CSMD1: variants seen among roughly 807,000 people sequenced by gnomAD.
CSMD1 encodes the protein CUB and sushi domain-containing protein 1.
CSMD1 carries 213 observed loss-of-function variants against 417.5 expected under a neutral mutation model. That is an observed-to-expected ratio of 0.51 (90% CI 0.46 to 0.57). The LOEUF is 0.57. CSMD1 is among the 20% of genes least tolerant of loss of function. The pLI is 0.00. For synonymous variants in CSMD1, 2,862 were observed against 1,736.8 expected, an observed-to-expected ratio of 1.65 and a Z score of -16.11; for missense variants, 6,923 against 4,529.7, an observed-to-expected ratio of 1.53 and a Z score of -15.17.
chr8:3,236,004 G>A (rs1051850299), intron 26 of CSMD1, among the ~76,000 whole-genome samples: 3 of 139,914 alleles, frequency 2.1e-5, no homozygotes, highest in East Asian at 4.4e-4. Context: ...TGCAAGCTCC[G>A]CCTTCCGGGT....
intron 1 of CSMD1, chr8:4,787,735 G>A (rs1797482014): frequency 3.1e-6 from 5 of 1,589,504 alleles, no homozygotes; most frequent in Middle Eastern, 2.3e-4. Flanking sequence ...ACAGTGGTCT[G>A]AGGAACAGCT....
At chr8:3,793,981 C>G (rs755878649) in intron 5 of CSMD1, among the ~76,000 whole-genome samples, 4 of 152,198 alleles carry the variant, frequency 2.6e-5, no homozygotes, top group African/African-American at 4.8e-5. Flanking sequence ...GGTTCTTCTG[C>G]TTTCCTCTTC....
At chr8:3,597,682 T>G (rs1197601341) in intron 8 of CSMD1, among the ~76,000 whole-genome samples, 1 of 152,170 alleles carries the variant, frequency 6.6e-6, no homozygotes, top group African/African-American at 2.4e-5. Context: ...TCATGTCCTT[T>G]GCAGGGACAT....
intron 21 of CSMD1, among the ~76,000 whole-genome samples, chr8:3,355,877 C>G (rs981216764): frequency 6.6e-6 from 1 of 151,994 alleles, no homozygotes; most frequent in East Asian, 1.9e-4. Flanking sequence ...ATGCACATGC[C>G]AACAGGTGCC....
At chr8:3,811,128 C>T (rs1801050218) in intron 5 of CSMD1, among the ~76,000 whole-genome samples, 1 of 152,182 alleles carries the variant, frequency 6.6e-6, no homozygotes, top group East Asian at 1.9e-4. Flanking sequence ...TACCTATGTC[C>T]ATAACTCCTC....
At chr8:4,156,077 G>C (rs1319948901) in intron 3 of CSMD1, among the ~76,000 whole-genome samples, 1 of 152,088 alleles carries the variant, frequency 6.6e-6, no homozygotes, top group Non-Finnish European at 1.5e-5. Flanking sequence ...ATTGGAATAG[G>C]GCTGGCTGGA....
intron 2 of CSMD1, among the ~76,000 whole-genome samples, chr8:4,559,793 G>C (rs1318487880): frequency 1.3e-5 from 2 of 152,208 alleles, no homozygotes; most frequent in Non-Finnish European, 1.5e-5. Context: ...TTTTCCACCT[G>C]AGACACACGT....
chr8:3,371,123 A>C (rs1809919378), intron 18 of CSMD1, among the ~76,000 whole-genome samples: 1 of 152,204 alleles, frequency 6.6e-6, no homozygotes, highest in South Asian at 2.1e-4. Context: ...CCAGGTCTTC[A>C]GTCTCAGACT....
chr8:3,019,267 C>T (rs773507067), intron 51 of CSMD1, among the ~76,000 whole-genome samples: 1 of 152,108 alleles, frequency 6.6e-6, no homozygotes, highest in South Asian at 2.1e-4. Flanking sequence ...CTGAACCATT[C>T]TTGAAAAAAT....
chr8:4,652,138 G>A (rs376211514), intron 1 of CSMD1, among the ~76,000 whole-genome samples: 1 of 152,154 alleles, frequency 6.6e-6, no homozygotes, highest in Non-Finnish European at 1.5e-5. Context: ...GAGAGGCAGA[G>A]GAAGCAGCAA....
chr8:3,498,359 T>A (rs771847040), intron 10 of CSMD1, among the ~76,000 whole-genome samples: 2 of 152,256 alleles, frequency 1.3e-5, no homozygotes, highest in African/African-American at 2.4e-5. Context: ...AGAACTGTGA[T>A]ATCCATCACC....
At chr8:4,301,954 C>A (rs1025956409) in intron 3 of CSMD1, among the ~76,000 whole-genome samples, 16 of 152,110 alleles carry the variant, frequency 1.1e-4, no homozygotes, top group African/African-American at 3.9e-4. Flanking sequence ...ATGCCTTATC[C>A]TTCTTAGTGC....
chr8:3,836,959 G>C (rs1032700932), intron 5 of CSMD1, among the ~76,000 whole-genome samples: 5 of 151,360 alleles, frequency 3.3e-5, no homozygotes, highest in African/African-American at 9.7e-5. Flanking sequence ...AAAATAAAAA[G>C]TTTTATAAAA....
intron 3 of CSMD1, among the ~76,000 whole-genome samples, chr8:4,135,536 G>A (rs1463652398): frequency 2.6e-5 from 4 of 152,094 alleles, no homozygotes; most frequent in Admixed American, 1.3e-4. Context: ...AAACAGTTAT[G>A]TTTCAGATTG....
At chr8:3,118,251 T>A (rs909399731) in intron 42 of CSMD1, 148 bp downstream of exon 42, 19 of 632,316 alleles carry the variant, frequency 3.0e-5, no homozygotes, top group Non-Finnish European at 4.5e-5. Context: ...ATTCCTTAAA[T>A]ACTAAGTGGA....
intron 3 of CSMD1, among the ~76,000 whole-genome samples, chr8:4,201,510 C>T (rs1377125291): frequency 8.3e-6 from 1 of 120,836 alleles, no homozygotes; most frequent in Admixed American, 1.1e-4. Flanking sequence ...TGCCGTCCGG[C>T]CTAGGTAAGA....
At chr8:4,593,908 T>A (rs1800121615) in intron 2 of CSMD1, among the ~76,000 whole-genome samples, 1 of 152,112 alleles carries the variant, frequency 6.6e-6, no homozygotes, top group African/African-American at 2.4e-5. Flanking sequence ...TGTCTCACAG[T>A]TTTGAGGGCC....
At chr8:4,133,298 A>C (rs561233385) in intron 3 of CSMD1, among the ~76,000 whole-genome samples, 55 of 152,308 alleles carry the variant, frequency 3.6e-4, no homozygotes, top group African/African-American at 1.3e-3. Flanking sequence ...TTAAAAGTCT[A>C]AGTTTATACT....
At chr8:3,366,516 T>A (rs1254726588) in intron 20 of CSMD1, among the ~76,000 whole-genome samples, 1 of 152,232 alleles carries the variant, frequency 6.6e-6, no homozygotes, top group Non-Finnish European at 1.5e-5. Context: ...AGATGTTACC[T>A]AACTTGGAGT....
Sources: gnomAD v4.1 joint callset for allele counts (sites outside exome capture counted in the v4.1 genomes callset) on GRCh38, gnomAD v4.1.1 for gene constraint, MANE v1.5 for transcripts, NCBI Gene and HGNC (gene_info 2026-07-23, HGNC 2026-07-21) for gene names.